PCDHGB1: variants seen among roughly 807,000 people sequenced by gnomAD.
The protein encoded by PCDHGB1 is protocadherin gamma subfamily B, 1, also known as protocadherin gamma-B1.
PCDHGB1 carries 34 observed loss-of-function variants against 56.6 expected under a neutral mutation model. The ratio of observed to expected loss-of-function variants is 0.60; its 90% CI spans 0.46 to 0.80. PCDHGB1 has a LOEUF of 0.80. Ranked by LOEUF, PCDHGB1 falls within the 30% of genes least tolerant of loss-of-function variation. The probability of loss-of-function intolerance (pLI) is 0.00; values close to 1 mark genes in which losing one functional copy is unlikely to be tolerated. For synonymous variants in PCDHGB1, 561 were observed against 505.9 expected, an observed-to-expected ratio of 1.11 and a Z score of -1.46; for missense variants, 1,278 against 1,204.6, an observed-to-expected ratio of 1.06 and a Z score of -0.90.
Position 141,493,685 on chromosome 5 carries a change from G to A in PCDHGB1, c.2410-1122G>A, listed in dbSNP as rs139973755. ...CCATGGCAGCCCCAGAATGGTGCTG[G>A]TGACTCCCGATACACCTGGAATGCT... On this transcript the variant is annotated intron_variant, in intron 1 of 3. Transcript: ENST00000523390. The surrounding 1 kb of genome is among the most constrained non-coding windows in gnomAD (Gnocchi z 4.3). 1.1e-3 allele frequency among the ~76,000 whole-genome samples: 165 copies of A among 152,282 alleles called. 3 individuals carry two copies. The highest frequency in any genetic ancestry group is 8.2e-3 in the Admixed American group (125 of 15,298).
At chr5:141,394,840 G>A in intron 1 of PCDHGB1, 3 of 1,613,834 alleles carry the variant, frequency 1.9e-6, no homozygotes, top group Non-Finnish European at 2.5e-6. Context: ...ACCGAGTTGG[G>A]CAGTCTGAAG....
At chr5:141,380,946 C>T (rs555019785) in intron 1 of PCDHGB1, among the ~76,000 whole-genome samples, 2 of 152,210 alleles carry the variant, frequency 1.3e-5, no homozygotes, top group African/African-American at 2.4e-5. Flanking sequence ...CTTGCCTCAA[C>T]AAGAAGTTCA....
rs1296058954 is a variant in PCDHGB1 at position 141,350,701 on chromosome 5, A to G, written c.441A>G (p.Val147=). 9 of 1,613,890 alleles carry G rather than the reference A, an allele frequency of 5.6e-6. No individual in the cohort carries two copies. The highest frequency in any genetic ancestry group is 7.6e-6 in the Non-Finnish European group (9 of 1,179,914). ...LEICESALPG[V]KFSLDSAQDA... Reference sequence around the variant, plus strand: ...TTTGTGAGTCAGCCTTACCCGGGGTAAAATTCTCTCTGGATTCTGCTCAAG... The same window carrying G: ...TTTGTGAGTCAGCCTTACCCGGGGTGAAATTCTCTCTGGATTCTGCTCAAG... Residue 147 remains valine (V), a synonymous_variant, in exon 1 of 4, where the codon GTA becomes GTG. Coordinates refer to ENST00000523390, the MANE Select transcript of PCDHGB1 (RefSeq NM_018922.3).
chr5:141,361,413 CG>C (rs1007927822), intron 1 of PCDHGB1: 3 of 1,613,902 alleles, frequency 1.9e-6, no homozygotes, highest in South Asian at 2.2e-5. Context: ...CAGCCACCGA[CG>C]GGGGCAAGCC....
Position 141,352,252 on chromosome 5 carries a change from G to T in PCDHGB1, c.1992G>T (p.Leu664=). 6.2e-7 allele frequency: 1 copy of T among 1,614,086 alleles called. No homozygotes were observed. The highest frequency in any genetic ancestry group is 8.5e-7 in the Non-Finnish European group (1 of 1,179,900). Reference sequence around the variant, plus strand: ...TGCACCTAATCTTCGCGGATAGCCTGCAAGAGGTATTGCCAGACCTCAGCG... The same window carrying T: ...TGCACCTAATCTTCGCGGATAGCCTTCAAGAGGTATTGCCAGACCTCAGCG... The part of the protein sequence containing the change: ...ATLHLIFADS[L]QEVLPDLSDR... Residue 664 remains leucine, a synonymous_variant, in exon 1 of 4, where the codon CTG becomes CTT. Coordinates refer to ENST00000523390, the MANE Select transcript of PCDHGB1 (RefSeq NM_018922.3).
At chr5:141,366,697 G>A in intron 1 of PCDHGB1, 1 of 1,614,250 alleles carries the variant, frequency 6.2e-7, no homozygotes, top group Non-Finnish European at 8.5e-7. Flanking sequence ...AGAAAAGCGA[G>A]CCTCTTCTGA....
At chr5:141,379,378 A>G (rs1775559732) in intron 1 of PCDHGB1, 1 of 152,234 alleles carries the variant, frequency 6.6e-6, no homozygotes, top group African/African-American at 2.4e-5. Flanking sequence ...TTGATAAAAT[A>G]ACAATTTTAA....
chr5:141,355,515 C>G (rs759193676), intron 1 of PCDHGB1: 1 of 1,614,008 alleles, frequency 6.2e-7, no homozygotes. Flanking sequence ...GTGTGACAAA[C>G]CTGGAGATTC....
At chr5:141,450,211 T>TTTCA (rs1038674129) in intron 1 of PCDHGB1, among the ~76,000 whole-genome samples, 23 of 152,166 alleles carry the variant, frequency 1.5e-4, no homozygotes, top group African/African-American at 4.3e-4. Flanking sequence ...AGAGACAAGG[T>TTTCA]TTCACTATGT....
chr5:141,355,308 T>C, intron 1 of PCDHGB1: 1 of 1,613,914 alleles, frequency 6.2e-7, no homozygotes, highest in Non-Finnish European at 8.5e-7. Flanking sequence ...ACTCGGTGTT[T>C]GAGGAGCAGG....
At chr5:141,407,271 GA>G (rs2094907406) in intron 1 of PCDHGB1, among the ~76,000 whole-genome samples, 1 of 152,204 alleles carries the variant, frequency 6.6e-6, no homozygotes, top group African/African-American at 2.4e-5. Context: ...CATGCAACAA[GA>G]AAATTGTTAC....
intron 2 of PCDHGB1, among the ~76,000 whole-genome samples, chr5:141,503,132 CCT>C (rs1388312522): frequency 6.6e-6 from 1 of 151,994 alleles, no homozygotes; most frequent in Non-Finnish European, 1.5e-5. Flanking sequence ...TCTGGTAGCC[CCT>C]GACACAGCCC....
rs773840884 is a variant in PCDHGB1 at position 141,372,185 on chromosome 5, C to G, written c.2409+19516C>G. 1.9e-6 allele frequency: 3 copies of G among 1,613,630 alleles called. No homozygotes were observed. The South Asian group carries it at 3.3e-5, about 18-fold the overall frequency. On this transcript the variant is annotated intron_variant, in intron 1 of 3. Coordinates refer to ENST00000523390, the MANE Select transcript of PCDHGB1 (RefSeq NM_018922.3). ...CCAAGGTGGTGGCGGTGGACGCAGA[C>G]TCGGGATACAACGCCTGGCTGTCCT...
rs182682202 is a variant in PCDHGB1 at position 141,445,418 on chromosome 5, T to A, written c.2410-49389T>A. Among the ~76,000 whole-genome samples the A allele has an allele frequency of 2.2e-3, 335 of 152,310 alleles. 1 individual carries two copies. Among genetic ancestry groups the A allele is most frequent in the Middle Eastern group, 0.01 (3 of 294 alleles). Reference sequence around the variant, plus strand: ...ACAAATATTTATTAACTGTCTGCTATATGCAAGGCACTGACCTATGGACTA... The same window carrying A: ...ACAAATATTTATTAACTGTCTGCTAAATGCAAGGCACTGACCTATGGACTA... On this transcript the variant is annotated intron_variant, in intron 1 of 3. Transcript: ENST00000523390.
chr5:141,384,283 G>C (rs762515266), intron 1 of PCDHGB1: 19 of 1,613,644 alleles, frequency 1.2e-5, no homozygotes, highest in South Asian at 2.2e-5. Flanking sequence ...AGTCTACATC[G>C]CTGAGAACAA....
chr5:141,430,673 C>A, intron 1 of PCDHGB1: 1 of 1,288,318 alleles, frequency 7.8e-7, no homozygotes, highest in Non-Finnish European at 1.0e-6. Flanking sequence ...TCTGACTTCC[C>A]AACTGTCCCA....
intron 1 of PCDHGB1, chr5:141,384,566 A>G (rs1313512011): frequency 6.2e-7 from 1 of 1,614,244 alleles, no homozygotes; most frequent in African/African-American, 1.3e-5. Flanking sequence ...CTGGACCAGA[A>G]TGACAACCCG....
chr5:141,500,345 A>G (rs1459262760), intron 2 of PCDHGB1, among the ~76,000 whole-genome samples: 3 of 151,916 alleles, frequency 2.0e-5, no homozygotes, highest in Non-Finnish European at 4.4e-5. Context: ...AATAGCTGGG[A>G]CTACAGGCGC....
At chr5:141,502,866 C>CTTTTTTTTTTTTTTTT (rs549047197) in intron 2 of PCDHGB1, among the ~76,000 whole-genome samples, 4 of 128,044 alleles carry the variant, frequency 3.1e-5, no homozygotes, top group African/African-American at 3.1e-5. Context: ...GACTCTCTGT[C>CTTTTTTTTTTTTTTTT]TTTTTTTTTT....
Sources: allele counts gnomAD v4.1 joint callset (sites outside exome capture counted in the v4.1 genomes callset), GRCh38; gene constraint gnomAD v4.1.1; non-coding constraint Gnocchi (gnomAD v3.1); transcripts MANE v1.5; gene names NCBI Gene and HGNC (gene_info 2026-07-23, HGNC 2026-07-21).